CEP89: variants seen among roughly 807,000 people sequenced by gnomAD.
CEP89 encodes the protein centrosomal protein of 89 kDa.
CEP89 carries 95 observed loss-of-function variants against 97.6 expected under a neutral mutation model. The observed-to-expected ratio is 0.97, with a 90% confidence interval of 0.82 to 1.15. The LOEUF is 1.15. Among genes scored for constraint, CEP89 ranks in the 50% most tolerant of loss-of-function variants. The probability of loss-of-function intolerance (pLI) is 0.00; values close to 1 mark genes in which losing one functional copy is unlikely to be tolerated. For missense variants in CEP89, 869 were observed against 947.7 expected (o/e 0.92, Z 1.09); for synonymous variants, 354 against 349.1 (o/e 1.01, Z -0.16).
chr19:32,915,311 AAAAAG>A (rs1970099498), intron 14 of CEP89, 21 bp downstream of exon 14: 1 of 1,561,138 alleles, frequency 6.4e-7, no homozygotes, highest in African/African-American at 1.4e-5. Flanking sequence ...AAAAAAAAAA[AAAAAG>A]AAAAAACATT....
chr19:32,918,558 C>G (rs1433336996), intron 12 of CEP89, among the ~76,000 whole-genome samples: 1 of 152,166 alleles, frequency 6.6e-6, no homozygotes, highest in East Asian at 1.9e-4. Context: ...TCAGAAAACG[C>G]TTTCAGATGT....
intron 1 of CEP89, chr19:32,971,329 C>G (rs1971403783): frequency 4.8e-6 from 2 of 417,954 alleles, no homozygotes; most frequent in South Asian, 8.9e-5. Flanking sequence ...GGCACGGGGA[C>G]GAATGCTACA....
intron 17 of CEP89, among the ~76,000 whole-genome samples, chr19:32,886,663 C>T (rs1221061483): frequency 6.6e-6 from 1 of 152,126 alleles, no homozygotes; most frequent in Non-Finnish European, 1.5e-5. Flanking sequence ...TAAATGGTAA[C>T]GCTATGGATT....
At chr19:32,921,327 C>G (rs767635790) in intron 12 of CEP89, among the ~76,000 whole-genome samples, 3 of 152,124 alleles carry the variant, frequency 2.0e-5, no homozygotes, top group African/African-American at 7.2e-5. Context: ...GTGCAGGTAC[C>G]GAGAGCGGCA....
chr19:32,882,741 C>A (rs938736684), intron 17 of CEP89, among the ~76,000 whole-genome samples: 12 of 152,196 alleles, frequency 7.9e-5, no homozygotes, highest in African/African-American at 1.4e-4. Context: ...AAGAATCCAA[C>A]AAGGGCTGTC....
At chr19:32,932,842 C>A (rs765427519) in intron 8 of CEP89, among the ~76,000 whole-genome samples, 1 of 151,834 alleles carries the variant, frequency 6.6e-6, no homozygotes, top group African/African-American at 2.4e-5. Context: ...CCCAGCTACT[C>A]AGGAGGCTGA....
intron 14 of CEP89, among the ~76,000 whole-genome samples, chr19:32,907,982 A>G (rs1969923361): frequency 6.6e-6 from 1 of 152,244 alleles, no homozygotes. Context: ...AGTTGCCTGC[A>G]GTGTTCAGTA....
rs60580377 is a variant in CEP89 at position 32,951,534 on chromosome 19, T to TACACACACACAC, written c.492+2069_492+2080dup. ...AATTATATATATATATATATATATA[T>TACACACACACAC]ACACACACACACACACACACACACA... On this transcript the variant is annotated intron_variant, in intron 4 of 18. Transcript: ENST00000305768. Among the ~76,000 whole-genome samples the TACACACACACAC allele has an allele frequency of 6.1e-3, 745 of 121,974 alleles. 14 individuals are homozygous for TACACACACACAC. Among genetic ancestry groups the TACACACACACAC allele is most frequent in the African/African-American group, 0.024 (690 of 29,210 alleles). 80.0% of individuals were successfully genotyped at this position (121,974 alleles called of 152,430 possible). A position where few individuals can be genotyped will look rare whatever the true frequency, so the allele number is the denominator to read the frequency against.
chr19:32,944,829 A>C (rs1221259158), intron 5 of CEP89, among the ~76,000 whole-genome samples: 1 of 152,230 alleles, frequency 6.6e-6, no homozygotes, highest in Middle Eastern at 3.2e-3. Context: ...AGAGGGATGC[A>C]CCAGGTGATG....
rs1050390767 is a variant in CEP89 at position 32,899,971 on chromosome 19, G to C, written c.1761C>G (p.Leu587=). The C allele has an allele frequency of 1.2e-6, 2 of 1,613,900 alleles. No homozygotes were observed. The highest frequency in any genetic ancestry group is 2.7e-5 in the African/African-American group (2 of 74,892). The part of the protein sequence containing the change: ...NRKSQKKIEV[L]KKQVEKAMGN... ...CCATGGCTTTTTCCACCTGCTTTTT[G>C]AGGACCTCAATTTTCTTTTGAGATT... is the stretch of plus-strand genomic sequence containing the variant. The change falls in exon 16 of 19, where the codon CTC becomes CTG. Residue 587 remains leucine, a synonymous_variant. Coordinates refer to ENST00000305768, the MANE Select transcript of CEP89 (RefSeq NM_032816.5).
intron 5 of CEP89, among the ~76,000 whole-genome samples, chr19:32,945,781 A>G (rs10418619): frequency 0.36 from 54,094 of 152,094 alleles, 9,837 homozygotes; most frequent in Admixed American, 0.48. Flanking sequence ...GGGATTACAA[A>G]TGGGATTTCA....
chr19:32,942,238 G>A (rs563737327), intron 5 of CEP89, among the ~76,000 whole-genome samples: 42 of 152,206 alleles, frequency 2.8e-4, no homozygotes, highest in Middle Eastern at 3.4e-3. Context: ...CAAATTAGTC[G>A]GGTGCAGTGG....
chr19:32,885,894 G>C (rs959639959), intron 17 of CEP89, among the ~76,000 whole-genome samples: 2 of 152,018 alleles, frequency 1.3e-5, no homozygotes, highest in East Asian at 3.9e-4. Flanking sequence ...TGTCTTTCTC[G>C]GTTCTAGCTG....
At chr19:32,955,982 T>G (rs185640872) in intron 3 of CEP89, among the ~76,000 whole-genome samples, 1 of 152,254 alleles carries the variant, frequency 6.6e-6, no homozygotes, top group East Asian at 1.9e-4. Flanking sequence ...GACTGAATGT[T>G]TTTCCATATA....
At chr19:32,895,149 A>C (rs1969612622) in intron 16 of CEP89, among the ~76,000 whole-genome samples, 1 of 152,214 alleles carries the variant, frequency 6.6e-6, no homozygotes, top group Non-Finnish European at 1.5e-5. Context: ...CCCTGCTACC[A>C]AAACCAGACA....
intron 1 of CEP89, chr19:32,971,323 C>A: frequency 2.4e-6 from 1 of 417,714 alleles, no homozygotes; most frequent in Non-Finnish European, 4.2e-6. Context: ...ACTCCGGGCA[C>A]GGGGACGAAT....
chr19:32,896,308 G>A (rs775006042), intron 16 of CEP89, among the ~76,000 whole-genome samples: 2 of 151,876 alleles, frequency 1.3e-5, no homozygotes, highest in Non-Finnish European at 2.9e-5. Context: ...ACCAAGAAAC[G>A]AGCCCACATA....
rs761300960 is a variant in CEP89 at position 32,949,679 on chromosome 19, C to T, written c.493-1311G>A. Among the ~76,000 whole-genome samples the T allele has an allele frequency of 2.6e-5, 4 of 151,956 alleles. No homozygotes were observed. The East Asian group carries it at 5.8e-4, about 22-fold the overall frequency. On this transcript the variant is annotated intron_variant, in intron 4 of 18. Transcript: ENST00000305768. ...GATTACAGGCATGAGCCACTGCACT[C>T]GACCTGAACCAGTTGTTACATGGTA...
intron 2 of CEP89, among the ~76,000 whole-genome samples, chr19:32,961,288 C>T (rs571905567): frequency 5.3e-5 from 8 of 151,852 alleles, no homozygotes; most frequent in South Asian, 2.1e-4. Flanking sequence ...AAGAAAGACC[C>T]GGCCAGGCAC....
Sources: gnomAD v4.1 joint callset for allele counts (sites outside exome capture counted in the v4.1 genomes callset) on GRCh38, gnomAD v4.1.1 for gene constraint, MANE v1.5 for transcripts, NCBI Gene and HGNC (gene_info 2026-07-23, HGNC 2026-07-21) for gene names.